RBFOX3: variants seen among roughly 807,000 people sequenced by gnomAD.
The protein encoded by RBFOX3 is RNA binding protein fox-1 homolog 3.
RBFOX3 carries 17 observed loss-of-function variants against 48.7 expected under a neutral mutation model. That is an observed-to-expected ratio of 0.35 (90% CI 0.24 to 0.52). The LOEUF is 0.52. RBFOX3 is among the 20% of genes least tolerant of loss of function. RBFOX3 has a pLI of 0.94. For missense variants in RBFOX3, 382 were observed against 497.5 expected (o/e 0.77, Z 2.21); for synonymous variants, 212 against 209.5 (o/e 1.01, Z -0.10).
At chr17:79,097,548 G>C in intron 10 of RBFOX3, 124 bp from the exon 11 acceptor site, 1 of 1,089,960 alleles carries the variant, frequency 9.2e-7, no homozygotes, top group Non-Finnish European at 1.1e-6. Context: ...CCCGCCCCCG[G>C]AGCGCTACTC....
intron 4 of RBFOX3, among the ~76,000 whole-genome samples, chr17:79,122,182 C>A (rs961592686): frequency 1.3e-5 from 2 of 152,194 alleles, no homozygotes; most frequent in African/African-American, 4.8e-5. Context: ...CTGGCTCCGC[C>A]TCCAGCCGCC....
chr17:79,388,691 C>T (rs2060920096), intron 2 of RBFOX3, among the ~76,000 whole-genome samples: 1 of 152,182 alleles, frequency 6.6e-6, no homozygotes, highest in African/African-American at 2.4e-5. Flanking sequence ...TGTCCACGTC[C>T]CGGCCAGGGT....
chr17:79,328,735 C>T (rs878884813), intron 2 of RBFOX3, among the ~76,000 whole-genome samples: 2 of 152,176 alleles, frequency 1.3e-5, no homozygotes, highest in African/African-American at 2.4e-5. Context: ...TCTCTCCACC[C>T]GGAGACATTT....
At chr17:79,633,704 G>A in the RBFOX3 span, among the ~76,000 whole-genome samples, 302 of 152,288 alleles carry the variant, frequency 2.0e-3, 1 homozygote, top group Admixed American at 3.7e-3. Context: ...CGAGGGCCAG[G>A]TGGGTCAGTA....
the RBFOX3 span, among the ~76,000 whole-genome samples, chr17:79,643,273 C>T: frequency 1.3e-5 from 2 of 152,030 alleles, no homozygotes; most frequent in Non-Finnish European, 2.9e-5. Flanking sequence ...ATATAATTCG[C>T]AAGCATAAAG....
At chr17:79,118,663 T>G (rs1234953130) in intron 4 of RBFOX3, among the ~76,000 whole-genome samples, 1 of 151,996 alleles carries the variant, frequency 6.6e-6, no homozygotes, top group Non-Finnish European at 1.5e-5. Flanking sequence ...CTCCACCTCC[T>G]CCAAGGCCTG....
chr17:79,650,569 C>G, the RBFOX3 span, among the ~76,000 whole-genome samples: 63 of 152,210 alleles, frequency 4.1e-4, no homozygotes, highest in South Asian at 4.3e-3. Context: ...TCAGGGATGC[C>G]AGGCTCACAG....
the RBFOX3 span, among the ~76,000 whole-genome samples, chr17:79,633,596 C>T: frequency 3.3e-5 from 5 of 151,090 alleles, no homozygotes; most frequent in Admixed American, 6.6e-5. Flanking sequence ...ACTCCAGCGG[C>T]TGTTTTTTTT....
chr17:79,315,324 C>T (rs2077387259), intron 2 of RBFOX3, among the ~76,000 whole-genome samples: 2 of 152,230 alleles, frequency 1.3e-5, no homozygotes, highest in African/African-American at 4.8e-5. Context: ...TCTCTGGGGA[C>T]CCAGACCCTG....
rs1404058917 is a variant in RBFOX3 at position 79,096,518 on chromosome 17, C to T, written c.936+135G>A. On this transcript the variant is annotated intron_variant, in intron 12 of 14. Transcript: ENST00000693108. ...TGCCATACTCTGGGCAGACGTGGCA[C>T]CCTCGCCCTCCTGGCTTCAAGGGTG... The T allele has an allele frequency of 6.6e-6, 5 of 757,144 alleles. No individual in the cohort carries two copies. The East Asian group carries it at 1.1e-4, about 16-fold the overall frequency. The allele number at this position is 757,144 out of a possible 1,614,324, so 46.9% of individuals were successfully genotyped here.
intron 3 of RBFOX3, among the ~76,000 whole-genome samples, chr17:79,266,727 T>C (rs1234811532): frequency 6.6e-6 from 1 of 151,998 alleles, no homozygotes; most frequent in East Asian, 1.9e-4. Context: ...GGGCTGGAGA[T>C]GGAGTTCAAT....
chr17:79,183,344 C>A, intron 4 of RBFOX3: 1 of 152,560 alleles, frequency 6.6e-6, no homozygotes, highest in South Asian at 2.0e-4. Flanking sequence ...AGGAGGCAGC[C>A]CGAGTTCGCC....
chr17:79,169,817 G>C lies in RBFOX3; in HGVS notation c.-33-54069C>G, dbSNP rs145165319. Among the ~76,000 whole-genome samples, 182 of 152,110 alleles carry C rather than the reference G, an allele frequency of 1.2e-3. 1 individual carries two copies. The highest frequency in any genetic ancestry group is 7.9e-3 in the East Asian group (41 of 5,180). ...AGTGGCGATGGCTGCACAACGCTGA[G>C]AATATACTGAAAACCACGGAACCGT... is the stretch of plus-strand genomic sequence containing the variant. On this transcript the variant is annotated intron_variant, in intron 4 of 14. Transcript: ENST00000693108.
At chr17:79,230,323 G>A (rs1460737844) in intron 4 of RBFOX3, among the ~76,000 whole-genome samples, 5 of 152,036 alleles carry the variant, frequency 3.3e-5, no homozygotes, top group South Asian at 4.2e-4. Context: ...GCAGTGGTAC[G>A]ATCTTGGCTC....
At chr17:79,452,860 GC>G (rs748349715) in intron 2 of RBFOX3, among the ~76,000 whole-genome samples, 1 of 152,202 alleles carries the variant, frequency 6.6e-6, no homozygotes, top group Non-Finnish European at 1.5e-5. Flanking sequence ...CCCTTGGCAG[GC>G]TCAGGGCCTT....
chr17:79,120,046 G>A (rs2035268515), intron 4 of RBFOX3, among the ~76,000 whole-genome samples: 1 of 152,232 alleles, frequency 6.6e-6, no homozygotes. Context: ...TCCCAGGTCT[G>A]CTAGGGTCAG....
chr17:79,648,875 C>G, the RBFOX3 span, among the ~76,000 whole-genome samples: 1 of 152,344 alleles, frequency 6.6e-6, no homozygotes, highest in Non-Finnish European at 1.5e-5. Flanking sequence ...CTCTCCCACC[C>G]ACACCTATGC....
chr17:79,637,780 A>C, the RBFOX3 span, among the ~76,000 whole-genome samples: 1 of 39,714 alleles, frequency 2.5e-5, no homozygotes, highest in African/African-American at 8.3e-5. Flanking sequence ...AGGGAGGGGA[A>C]GGGAGGGGAA....
chr17:79,428,484 C>T (rs1428946696), intron 2 of RBFOX3, among the ~76,000 whole-genome samples: 1 of 152,258 alleles, frequency 6.6e-6, no homozygotes, highest in Non-Finnish European at 1.5e-5. Flanking sequence ...CAACTTTTTA[C>T]TTGTCCCTAA....
Sources: gnomAD v4.1 joint callset for allele counts (sites outside exome capture counted in the v4.1 genomes callset) on GRCh38, gnomAD v4.1.1 for gene constraint, MANE v1.5 for transcripts, NCBI Gene and HGNC (gene_info 2026-07-23, HGNC 2026-07-21) for gene names.